Variants in CRYL1 observed in about 807,000 individuals in gnomAD.
The protein encoded by CRYL1 is crystallin lambda 1, also known as lambda-crystallin homolog.
Under a neutral mutation model 36.6 loss-of-function variants are expected in CRYL1, and 29 were observed. The ratio of observed to expected loss-of-function variants is 0.79; its 90% CI spans 0.59 to 1.08. CRYL1 has a LOEUF of 1.08. Ranked by LOEUF, CRYL1 falls within the 50% of genes least tolerant of loss-of-function variation. The pLI, the probability that CRYL1 is intolerant of heterozygous loss-of-function variation, is 0.00. For missense variants in CRYL1, 411 were observed against 407.9 expected (o/e 1.01, Z -0.06); for synonymous variants, 152 against 151.5 (o/e 1.00, Z -0.02).
At chr13:20,485,874 A>AT (rs144334497) in intron 3 of CRYL1, among the ~76,000 whole-genome samples, 32 of 151,410 alleles carry the variant, frequency 2.1e-4, no homozygotes, top group African/African-American at 6.5e-4. Flanking sequence ...TTAGTTCTTT[A>AT]TTTTTTTTAT....
chr13:20,413,270 C>A lies in CRYL1; in HGVS notation c.739+12G>T. On this transcript the variant is annotated intron_variant, in intron 6 of 7. Coordinates refer to ENST00000298248, the MANE Select transcript of CRYL1 (RefSeq NM_015974.3). ...ATAGAATGGAATTCCCATCCTGGCC[C>A]CAGATGCATACCTTCTGCATTGAGA... 6.4e-7 allele frequency: 1 copy of A among 1,558,164 alleles called. No individual in the cohort carries two copies. Among genetic ancestry groups the A allele is most frequent in the Non-Finnish European group, 8.8e-7 (1 of 1,133,628 alleles).
chr13:20,516,858 A>G (rs1331642326), intron 1 of CRYL1, among the ~76,000 whole-genome samples: 1 of 151,896 alleles, frequency 6.6e-6, no homozygotes, highest in Non-Finnish European at 1.5e-5. Flanking sequence ...GATAATTAGA[A>G]CCCAGAAGTT....
chr13:20,467,091 G>A (rs1370186286), intron 3 of CRYL1, among the ~76,000 whole-genome samples: 8 of 147,288 alleles, frequency 5.4e-5, no homozygotes, highest in Non-Finnish European at 8.9e-5. Context: ...GGGACTACAG[G>A]TGCCTGCCAC....
chr13:20,522,025 A>G (rs1294575191), intron 1 of CRYL1, among the ~76,000 whole-genome samples: 2 of 152,208 alleles, frequency 1.3e-5, no homozygotes, highest in Non-Finnish European at 2.9e-5. Context: ...TAGCACTTCA[A>G]AGAAAATTCA....
intron 3 of CRYL1, among the ~76,000 whole-genome samples, chr13:20,442,607 C>G (rs112085123): frequency 2.6e-5 from 4 of 152,160 alleles, no homozygotes; most frequent in African/African-American, 9.7e-5. Context: ...CCCTCTCCAA[C>G]CCAGAGAGAT....
intron 3 of CRYL1, among the ~76,000 whole-genome samples, chr13:20,454,327 T>C (rs911465295): frequency 1.3e-5 from 2 of 151,386 alleles, no homozygotes; most frequent in African/African-American, 4.9e-5. Context: ...TCATTCATGA[T>C]ATAAACAGAT....
At chr13:20,442,659 C>G (rs900486049) in intron 3 of CRYL1, among the ~76,000 whole-genome samples, 1 of 152,204 alleles carries the variant, frequency 6.6e-6, no homozygotes, top group Non-Finnish European at 1.5e-5. Flanking sequence ...GGGGCCCTTT[C>G]TAGAGACAGG....
At chr13:20,472,578 C>T (rs1401570285) in intron 3 of CRYL1, among the ~76,000 whole-genome samples, 1 of 152,184 alleles carries the variant, frequency 6.6e-6, no homozygotes, top group Non-Finnish European at 1.5e-5. Context: ...GCTGGCTGTG[C>T]CCTCCTAACG....
At chr13:20,471,559 C>A (rs992915577) in intron 3 of CRYL1, among the ~76,000 whole-genome samples, 1 of 151,680 alleles carries the variant, frequency 6.6e-6, no homozygotes, top group Non-Finnish European at 1.5e-5. Flanking sequence ...GAGCCGAGAT[C>A]GCACCACTGC....
At chr13:20,480,554 A>G (rs12861202) in intron 3 of CRYL1, among the ~76,000 whole-genome samples, 6,286 of 152,258 alleles carry the variant, frequency 0.041, 277 homozygotes, top group Admixed American at 0.14. Context: ...AGCACACATA[A>G]CTTCATACTC....
Position 20,420,701 on chromosome 13 carries a change from T to TTTTTTTTTTTTTGTGTGTGTG in CRYL1, c.634-7315_634-7314insCACACACACAAAAAAAAAAAA. On this transcript the variant is annotated intron_variant, in intron 5 of 7. Coordinates refer to ENST00000298248, the MANE Select transcript of CRYL1 (RefSeq NM_015974.3). ...CTTTGACTTTTCTTTAAAATAGAGG[T>TTTTTTTTTTTTTGTGTGTGTG]TGTGTGTGTGTGTGTGTGTGTGTGT... Among the ~76,000 whole-genome samples the TTTTTTTTTTTTTGTGTGTGTG allele has an allele frequency of 4.5e-3, 98 of 21,872 alleles. 16 individuals carry two copies. The highest frequency in any genetic ancestry group is 0.011 in the Non-Finnish European group (78 of 7,322). The allele number at this position is 21,872 out of a possible 152,430, so 14.3% of individuals were successfully genotyped here. A position where few individuals can be genotyped will look rare whatever the true frequency, so the allele number is the denominator to read the frequency against.
chr13:20,461,415 A>G (rs1393206284), intron 3 of CRYL1, among the ~76,000 whole-genome samples: 1 of 152,160 alleles, frequency 6.6e-6, no homozygotes, highest in Non-Finnish European at 1.5e-5. Flanking sequence ...TATTTCTTAG[A>G]TGTCTTCTTA....
intron 3 of CRYL1, among the ~76,000 whole-genome samples, chr13:20,485,203 G>A (rs920200189): frequency 3.3e-5 from 5 of 152,162 alleles, no homozygotes; most frequent in African/African-American, 1.2e-4. Flanking sequence ...ATTTTTAGTA[G>A]AGATGGGGTT....
intron 3 of CRYL1, among the ~76,000 whole-genome samples, chr13:20,474,431 G>A (rs1242161857): frequency 1.3e-5 from 2 of 152,190 alleles, no homozygotes; most frequent in East Asian, 1.9e-4. Context: ...CAACAAACCG[G>A]TAAAGCAACA....
intron 3 of CRYL1, among the ~76,000 whole-genome samples, chr13:20,479,265 C>A (rs1229235667): frequency 6.6e-6 from 1 of 152,148 alleles, no homozygotes; most frequent in Non-Finnish European, 1.5e-5. Context: ...TCAGCAGACC[C>A]AACACTGGCA....
intron 3 of CRYL1, among the ~76,000 whole-genome samples, chr13:20,461,056 AGTT>A (rs149563616): frequency 0.02 from 3,041 of 152,198 alleles, 87 homozygotes; most frequent in African/African-American, 0.068. Flanking sequence ...AGCCAGCTGT[AGTT>A]TTATTTTTTA....
At chr13:20,466,861 C>A (rs1336094407) in intron 3 of CRYL1, among the ~76,000 whole-genome samples, 1 of 152,118 alleles carries the variant, frequency 6.6e-6, no homozygotes, top group Non-Finnish European at 1.5e-5. Flanking sequence ...ATACATCCGT[C>A]AACAGGGAAA....
rs1258171455 is a variant in CRYL1 at position 20,481,535 on chromosome 13, A to G, written c.276+7835T>C. On this transcript the variant is annotated intron_variant, in intron 3 of 7. Transcript: ENST00000298248. The surrounding 1 kb of genome is among the most constrained non-coding windows in gnomAD (Gnocchi z 4.1). ...GTGACTGTACGCATCTGTCAGACACATAGCACTGAACCCTGAAACGAGTGA... is the reference window on the plus strand; with the variant it reads ...GTGACTGTACGCATCTGTCAGACACGTAGCACTGAACCCTGAAACGAGTGA... 6.6e-6 allele frequency among the ~76,000 whole-genome samples: 1 copy of G among 152,220 alleles called. No homozygotes were observed. Among genetic ancestry groups the G allele is most frequent in the East Asian group, 1.9e-4 (1 of 5,204 alleles).
At chr13:20,406,721 C>T (rs1232838970) in intron 6 of CRYL1, among the ~76,000 whole-genome samples, 1 of 150,752 alleles carries the variant, frequency 6.6e-6, no homozygotes, top group Non-Finnish European at 1.5e-5. Context: ...TTATTCCTTC[C>T]TTTTGGGGTG....
Sources: gnomAD v4.1 joint callset for allele counts (sites outside exome capture counted in the v4.1 genomes callset) on GRCh38, gnomAD v4.1.1 for gene constraint, Gnocchi (gnomAD v3.1) non-coding constraint, MANE v1.5 for transcripts, NCBI Gene and HGNC (gene_info 2026-07-23, HGNC 2026-07-21) for gene names.